The following SGO2 variants were observed in gnomAD, a reference collection of about 807,000 sequenced individuals.
The protein encoded by SGO2 is shugoshin 2, also known as shugoshin-like 2.
SGO2 carries 68 observed loss-of-function variants against 99.5 expected under a neutral mutation model. The ratio of observed to expected loss-of-function variants is 0.68; its 90% confidence interval spans 0.56 to 0.84. The LOEUF is 0.84. Ranked by LOEUF, SGO2 falls within the 40% of genes least tolerant of loss-of-function variation. The pLI is 0.00. For synonymous variants in SGO2, 457 were observed against 487.1 expected (o/e 0.94, Z 0.81); for missense variants, 1,350 against 1,436.7 (o/e 0.94, Z 0.97).
rs1396628320 is a variant in SGO2 at position 200,533,547 on chromosome 2, G to GTGTGTATA, written c.133+440_133+441insGTGTATAT. Among the ~76,000 whole-genome samples the GTGTGTATA allele has an allele frequency of 9.0e-3, 1,281 of 143,034 alleles. 8 individuals are homozygous for GTGTGTATA. Among genetic ancestry groups the GTGTGTATA allele is most frequent in the Middle Eastern group, 0.025 (7 of 276 alleles). 93.8% of individuals were successfully genotyped at this position (143,034 alleles called of 152,430 possible). A position where few individuals can be genotyped will look rare whatever the true frequency, so the allele number is the denominator to read the frequency against. On this transcript the variant is annotated intron_variant, in intron 2 of 8. Transcript: ENST00000357799. Reference sequence around the variant, plus strand: ...TGTGTGTGTGTGTGTGTGTGTGTGTGTATACATGTGACTTTATATAGGCAA... The same window carrying GTGTGTATA: ...TGTGTGTGTGTGTGTGTGTGTGTGTGTGTGTATATATACATGTGACTTTATATAGGCAA...
In SGO2 at chr2:200,535,041, C is replaced by T; in HGVS notation, c.179C>T (p.Ala60Val). 1.9e-6 allele frequency: 3 copies of T among 1,551,288 alleles called. No individual in the cohort carries two copies. Among genetic ancestry groups the T allele is most frequent in the Non-Finnish European group, 2.6e-6 (3 of 1,159,798 alleles). The stretch of plus-strand genomic sequence containing the variant: ...ATATCTTTAAAGCACAACAACAGGG[C>T]ATTAGCTCAGGCTCTTAGTAGAGAA... Reference protein sequence around the residue: ...FKISLKHNNRALAQALSREKE... With the variant: ...FKISLKHNNRVLAQALSREKE... Residue 60 changes from alanine to valine, a missense_variant, in exon 3 of 9, where the codon GCA becomes GTA. By Grantham distance (64) the Ala-to-Val change is moderately conservative. Coordinates refer to ENST00000357799, the MANE Select transcript of SGO2 (RefSeq NM_152524.6).
At chr2:200,549,654 G>T (rs1369858523) in intron 5 of SGO2, among the ~76,000 whole-genome samples, 1 of 152,078 alleles carries the variant, frequency 6.6e-6, no homozygotes, top group African/African-American at 2.4e-5. Context: ...AACAAAAACT[G>T]TATGATTATT....
chr2:200,566,206 C>G (rs1367759100), intron 5 of SGO2, among the ~76,000 whole-genome samples: 1 of 152,172 alleles, frequency 6.6e-6, no homozygotes, highest in Non-Finnish European at 1.5e-5. Flanking sequence ...GTGGTTTTAT[C>G]TGCCTTTGGT....
chr2:200,577,747 C>T (rs2033712864), intron 8 of SGO2, among the ~76,000 whole-genome samples: 1 of 151,062 alleles, frequency 6.6e-6, no homozygotes, highest in Non-Finnish European at 1.5e-5. Flanking sequence ...GAATATCTCT[C>T]AGTTTGGGTT....
At chr2:200,560,022 C>T (rs12476106) in intron 5 of SGO2, among the ~76,000 whole-genome samples, 90 of 152,136 alleles carry the variant, frequency 5.9e-4, no homozygotes, top group Admixed American at 1.6e-3. Flanking sequence ...AATGGTTGAA[C>T]GCAGTATTTT....
chr2:200,581,533 T>C (rs1574893033), intron 8 of SGO2, among the ~76,000 whole-genome samples: 1 of 152,152 alleles, frequency 6.6e-6, no homozygotes, highest in East Asian at 1.9e-4. Context: ...TAAAAACATA[T>C]TTATGAGACC....
chr2:200,565,502 C>T (rs1381052621), intron 5 of SGO2, among the ~76,000 whole-genome samples: 2 of 152,144 alleles, frequency 1.3e-5, no homozygotes, highest in African/African-American at 4.8e-5. Flanking sequence ...ACATTTTTTC[C>T]TTCATTTCAA....
chr2:200,580,542 T>G (rs1309631883), intron 8 of SGO2: 1 of 425,324 alleles, frequency 2.4e-6, no homozygotes, highest in Non-Finnish European at 4.7e-6. Context: ...TAGATAACAG[T>G]GTTTTATGGA....
chr2:200,578,847 C>T (rs2033748863), intron 8 of SGO2, among the ~76,000 whole-genome samples: 1 of 152,118 alleles, frequency 6.6e-6, no homozygotes, highest in Non-Finnish European at 1.5e-5. Context: ...TTGTTTCCCT[C>T]ACTGTTCTTG....
At chr2:200,557,403 A>G (rs1346594615) in intron 5 of SGO2, among the ~76,000 whole-genome samples, 1 of 152,090 alleles carries the variant, frequency 6.6e-6, no homozygotes, top group Non-Finnish European at 1.5e-5. Context: ...AAGTTGGCCA[A>G]TTGGTGCTGC....
chr2:200,582,591 A>C (rs2033874348), intron 8 of SGO2, among the ~76,000 whole-genome samples: 1 of 152,126 alleles, frequency 6.6e-6, no homozygotes, highest in African/African-American at 2.4e-5. Flanking sequence ...GCAAAAAAAA[A>C]GTTAAGCTGA....
intron 1 of SGO2, among the ~76,000 whole-genome samples, chr2:200,530,536 C>T (rs2031321618): frequency 6.6e-6 from 1 of 152,140 alleles, no homozygotes; most frequent in Admixed American, 6.5e-5. Flanking sequence ...TGGCATCTGG[C>T]TGGTATTTTA....
At chr2:200,529,668 G>A (rs138702606) in intron 1 of SGO2, among the ~76,000 whole-genome samples, 2,449 of 152,090 alleles carry the variant, frequency 0.016, 81 homozygotes, top group African/African-American at 0.055. Context: ...CTGGGATTAC[G>A]GGCACCTGCC....
At chr2:200,574,037 G>A (rs958661526) in intron 7 of SGO2, 60 bp downstream of exon 7, 210 of 1,356,942 alleles carry the variant, frequency 1.5e-4, no homozygotes, top group Admixed American at 1.8e-4. Flanking sequence ...TTTTGTTTTC[G>A]TTTTTTACTT....
At chr2:200,549,328 C>T (rs1438455475) in intron 5 of SGO2, among the ~76,000 whole-genome samples, 1 of 152,042 alleles carries the variant, frequency 6.6e-6, no homozygotes. Context: ...CTGAATTCTA[C>T]CAAAAATTTA....
At chr2:200,555,939 G>A (rs752081679) in intron 5 of SGO2, among the ~76,000 whole-genome samples, 1 of 152,064 alleles carries the variant, frequency 6.6e-6, no homozygotes, top group Non-Finnish European at 1.5e-5. Flanking sequence ...GGAGTCTCAG[G>A]CTGTTAGAGC....
At chr2:200,537,043 T>C (rs1000492236) in intron 4 of SGO2, among the ~76,000 whole-genome samples, 6 of 152,136 alleles carry the variant, frequency 3.9e-5, no homozygotes, top group African/African-American at 1.4e-4. Context: ...CTATACCTTT[T>C]TATGTGACAT....
At chr2:200,563,983 A>G (rs192267382) in intron 5 of SGO2, among the ~76,000 whole-genome samples, 17 of 151,838 alleles carry the variant, frequency 1.1e-4, no homozygotes, top group Non-Finnish European at 1.9e-4. Context: ...CGGTCTATCA[A>G]TTTTGTTGAT....
chr2:200,563,849 G>C (rs917952735), intron 5 of SGO2, among the ~76,000 whole-genome samples: 13 of 152,164 alleles, frequency 8.5e-5, no homozygotes. Flanking sequence ...TTTGCATAGA[G>C]GTGTTTGTAG....
Sources: allele counts gnomAD v4.1 joint callset (sites outside exome capture counted in the v4.1 genomes callset), GRCh38; gene constraint gnomAD v4.1.1; transcripts MANE v1.5; gene names NCBI Gene and HGNC (gene_info 2026-07-23, HGNC 2026-07-21).